SMG1: variants seen among roughly 807,000 people sequenced by gnomAD.
SMG1 encodes the protein SMG1 nonsense mediated mRNA decay associated PI3K related kinase.
Under a neutral mutation model 419.9 loss-of-function variants are expected in SMG1, and 22 were observed. The observed-to-expected ratio is 0.05, with a 90% CI of 0.04 to 0.07. SMG1 has a LOEUF of 0.07. SMG1 is among the 10% of genes least tolerant of loss of function. The probability of loss-of-function intolerance (pLI) is 1.00; values close to 1 mark genes in which losing one functional copy is unlikely to be tolerated. For synonymous variants in SMG1, 1,538 were observed against 1,553.5 expected (o/e 0.99, Z 0.23); for missense variants, 3,185 against 4,342.0 (o/e 0.73, Z 7.49).
intron 1 of SMG1, among the ~76,000 whole-genome samples, chr16:18,907,569 G>A (rs1445693039): frequency 2.0e-5 from 3 of 151,974 alleles, no homozygotes; most frequent in African/African-American, 7.2e-5. Context: ...ACCCTGCTTC[G>A]CTGGGCACAG....
chr16:18,840,715 A>G (rs1027858704), intron 41 of SMG1, among the ~76,000 whole-genome samples: 1 of 152,230 alleles, frequency 6.6e-6, no homozygotes, highest in Admixed American at 6.5e-5. Flanking sequence ...CTTCTTATTT[A>G]CATACATAAA....
rs2031163710 is a variant in SMG1 at position 18,809,461 on chromosome 16, C to T, written c.*108G>A. ...TTCCTAGGTTTCCTCAGAGTAAGCC[C>T]CCAGTTGCATCACCACCGACTGTGG... On this transcript the variant is annotated 3_prime_UTR_variant, in exon 63 of 63. Transcript: ENST00000446231. 1 of 802,794 alleles carries T rather than the reference C, an allele frequency of 1.2e-6. No homozygotes were observed. The highest frequency in any genetic ancestry group is 2.1e-5 in the Admixed American group (1 of 48,724). The allele number at this position is 802,794 out of a possible 1,614,324, so 49.7% of individuals were successfully genotyped here. A position where few individuals can be genotyped will look rare whatever the true frequency, so the allele number is the denominator to read the frequency against.
At chr16:18,860,077 G>A (rs1419632449) in intron 26 of SMG1, among the ~76,000 whole-genome samples, 2 of 152,102 alleles carry the variant, frequency 1.3e-5, no homozygotes, top group Non-Finnish European at 2.9e-5. Context: ...AATTACCTGG[G>A]CACGGTGGCA....
chr16:18,884,298 T>C, intron 8 of SMG1, 131 bp from the exon 9 acceptor site: 1 of 480,620 alleles, frequency 2.1e-6, no homozygotes, highest in Non-Finnish European at 3.8e-6. Flanking sequence ...AAACATGTCC[T>C]ATATCATAAA....
rs749406460 is a variant in SMG1 at position 18,812,141 on chromosome 16, G to A, written c.10622-14C>T. 3.1e-6 allele frequency: 5 copies of A among 1,605,264 alleles called. No individual in the cohort carries two copies. In the Admixed American group the frequency reaches 6.7e-5, roughly 22 times the overall value. On this transcript the variant is annotated splice_polypyrimidine_tract_variant and intron_variant, in intron 60 of 62. Transcript: ENST00000446231. ...TACTCCGGACTGCTACAGAGAAAGA[G>A]TTGGTGGCTCAATTTACATGTAAAC...
At chr16:18,867,559 A>G (rs546088345) in intron 22 of SMG1, among the ~76,000 whole-genome samples, 1 of 145,946 alleles carries the variant, frequency 6.9e-6, no homozygotes, top group African/African-American at 2.6e-5. Context: ...ATAAATAAAT[A>G]AATAAATAAT....
At chr16:18,821,026 A>G (rs1387604127) in intron 55 of SMG1, among the ~76,000 whole-genome samples, 1 of 152,164 alleles carries the variant, frequency 6.6e-6, no homozygotes, top group Non-Finnish European at 1.5e-5. Context: ...AGGCATCACA[A>G]AATTCCATTA....
chr16:18,828,755 T>C (rs1400817400), intron 54 of SMG1, among the ~76,000 whole-genome samples: 1 of 152,194 alleles, frequency 6.6e-6, no homozygotes, highest in Non-Finnish European at 1.5e-5. Flanking sequence ...TCCCAGCACT[T>C]TGGGAGGCCA....
At chr16:18,925,684 G>T in intron 1 of SMG1, 1 of 231,440 alleles carries the variant, frequency 4.3e-6, no homozygotes. Flanking sequence ...CTCACCTCCT[G>T]GTCCCGACCC....
intron 29 of SMG1, chr16:18,857,575 CCA>C (rs1359846114): frequency 6.6e-6 from 1 of 152,086 alleles, no homozygotes; most frequent in Non-Finnish European, 1.5e-5. Flanking sequence ...TACATATGCA[CCA>C]CAGTGATTAA....
chr16:18,821,217 G>GTTTTTTTTTTTTTTTTTTTTTTTTTTTTT (rs2032501770), intron 55 of SMG1, among the ~76,000 whole-genome samples: 1 of 31,736 alleles, frequency 3.2e-5, no homozygotes, highest in African/African-American at 1.1e-4. Flanking sequence ...TATTTAGTAT[G>GTTTTTTTTTTTTTTTTTTTTTTTTTTTTT]TTTCTTTTTT....
chr16:18,872,529 A>G lies in SMG1; in HGVS notation c.1986T>C (p.Tyr662=), dbSNP rs761878611. Reference sequence around the variant, plus strand: ...GAGAATACAATGTGTAGAGCACAGCATACTGAATGGCAGGGAAGTGAACAG... The same window carrying G: ...GAGAATACAATGTGTAGAGCACAGCGTACTGAATGGCAGGGAAGTGAACAG... The part of the protein sequence containing the change: ...DLAVHFPAIQ[Y]AVLYTLYSHC... Residue 662 remains tyrosine (Y), a synonymous_variant, in exon 14 of 63, where the codon TAT becomes TAC. Coordinates refer to ENST00000446231, the MANE Select transcript of SMG1 (RefSeq NM_015092.5). The G allele has an allele frequency of 1.3e-6, 2 of 1,548,494 alleles. No individual in the cohort carries two copies. Among genetic ancestry groups the G allele is most frequent in the South Asian group, 2.4e-5 (2 of 84,296 alleles).
chr16:18,869,823 C>G (rs1351596593), intron 19 of SMG1, 31 bp downstream of exon 19: 1 of 1,569,414 alleles, frequency 6.4e-7, no homozygotes. Context: ...AATTATGTTT[C>G]CCAGATAAAA....
intron 11 of SMG1, chr16:18,877,758 T>C (rs1379644855): frequency 3.9e-5 from 6 of 153,032 alleles, no homozygotes; most frequent in African/African-American, 1.4e-4. Context: ...TTTAGAAAAA[T>C]ATATCTAAGC....
Position 18,829,920 on chromosome 16 carries a change from T to C in SMG1, c.9133+6A>G. ...AAAGCTAGTATGTTTACAGGTAGAA[T>C]ATTACCTGACAATGTTTTAGAAAAG... On this transcript the variant is annotated splice_donor_region_variant and intron_variant, in intron 53 of 62. Coordinates refer to ENST00000446231, the MANE Select transcript of SMG1 (RefSeq NM_015092.5). 1 of 1,537,196 alleles carries C rather than the reference T, an allele frequency of 6.5e-7. No individual in the cohort carries two copies. Among genetic ancestry groups the C allele is most frequent in the South Asian group, 1.3e-5 (1 of 77,882 alleles).
chr16:18,873,353 G>A (rs545420128), intron 13 of SMG1, among the ~76,000 whole-genome samples: 2 of 152,212 alleles, frequency 1.3e-5, no homozygotes, highest in East Asian at 1.9e-4. Flanking sequence ...CCAAGTAGCT[G>A]GGATTACAGG....
intron 9 of SMG1, among the ~76,000 whole-genome samples, chr16:18,883,557 A>C (rs559046075): frequency 6.6e-6 from 1 of 152,380 alleles, no homozygotes; most frequent in East Asian, 1.9e-4. Flanking sequence ...GCGAAATACG[A>C]AGCTTGCAAC....
At chr16:18,912,348 TTAAGAG>T (rs1364096487) in intron 1 of SMG1, among the ~76,000 whole-genome samples, 1 of 151,830 alleles carries the variant, frequency 6.6e-6, no homozygotes, top group African/African-American at 2.4e-5. Context: ...TTTCAAACAA[TTAAGAG>T]TAAATTTCAA....
chr16:18,885,063 A>G (rs1482018654), intron 8 of SMG1, 27 bp downstream of exon 8: 1 of 654,244 alleles, frequency 1.5e-6, no homozygotes, highest in South Asian at 1.7e-5. Context: ...CAGTATTTAA[A>G]TAACTGGTAT....
Sources: allele counts gnomAD v4.1 joint callset (sites outside exome capture counted in the v4.1 genomes callset), GRCh38; gene constraint gnomAD v4.1.1; transcripts MANE v1.5; gene names NCBI Gene and HGNC (gene_info 2026-07-23, HGNC 2026-07-21).